Variants in PFDN1 observed in about 807,000 individuals in gnomAD.
PFDN1 encodes the protein prefoldin subunit 1.
Under a neutral mutation model 17.3 loss-of-function variants are expected in PFDN1, and 6 were observed. The observed-to-expected ratio is 0.35, with a 90% CI of 0.19 to 0.69. PFDN1 has a LOEUF of 0.69. PFDN1 is among the 30% of genes least tolerant of loss of function. The probability of loss-of-function intolerance (pLI) is 0.65; values close to 1 mark genes in which losing one functional copy is unlikely to be tolerated. For synonymous variants in PFDN1, 58 were observed against 50.1 expected (o/e 1.16, Z -0.67); for missense variants, 113 against 146.2 (o/e 0.77, Z 1.17).
At chr5:140,275,766 G>A (rs1236519539) in intron 3 of PFDN1, among the ~76,000 whole-genome samples, 1 of 151,570 alleles carries the variant, frequency 6.6e-6, no homozygotes, top group Non-Finnish European at 1.5e-5. Flanking sequence ...CCTATGTCAT[G>A]GAAAAGGTTT....
At chr5:140,270,729 T>A (rs1246776684) in intron 3 of PFDN1, among the ~76,000 whole-genome samples, 1 of 152,028 alleles carries the variant, frequency 6.6e-6, no homozygotes, top group Non-Finnish European at 1.5e-5. Flanking sequence ...ATCAAGACCA[T>A]CCTGGCTAAC....
intron 3 of PFDN1, among the ~76,000 whole-genome samples, chr5:140,266,527 T>C (rs1765136083): frequency 6.6e-6 from 1 of 152,138 alleles, no homozygotes; most frequent in African/African-American, 2.4e-5. Flanking sequence ...AAACAATCCT[T>C]TTTTACCTGT....
chr5:140,277,185 C>A (rs1765309147), intron 3 of PFDN1, among the ~76,000 whole-genome samples: 3 of 150,208 alleles, frequency 2.0e-5, no homozygotes, highest in African/African-American at 7.4e-5. Context: ...AAGATCATGC[C>A]ATTGCACTAC....
intron 2 of PFDN1, among the ~76,000 whole-genome samples, chr5:140,286,411 CAAAAA>C (rs70988742): frequency 2.4e-5 from 2 of 83,506 alleles, no homozygotes; most frequent in Non-Finnish European, 2.3e-5. Context: ...GACTCTGTCT[CAAAAA>C]AAAAAAAAAA....
At chr5:140,275,824 T>C (rs543838720) in intron 3 of PFDN1, among the ~76,000 whole-genome samples, 1 of 152,228 alleles carries the variant, frequency 6.6e-6, no homozygotes, top group East Asian at 1.9e-4. Flanking sequence ...TGGGGAAGCA[T>C]ACTCGGTGGG....
rs548796192 is a variant in PFDN1, at chr5:140,289,329, G to C, written c.201-7796C>G. 6.6e-5 allele frequency among the ~76,000 whole-genome samples: 10 copies of C among 151,442 alleles called. No individual in the cohort carries two copies. In the South Asian group the frequency reaches 2.1e-3, roughly 32 times the overall value. On this transcript the variant is annotated intron_variant, in intron 2 of 3. Coordinates refer to ENST00000261813, the MANE Select transcript of PFDN1 (RefSeq NM_002622.5). The stretch of plus-strand genomic sequence containing the variant: ...CCCAATGGTCAAAGCAGAATTATTT[G>C]AGCAACAAAATAAATAATGTAGTAC...
intron 3 of PFDN1, among the ~76,000 whole-genome samples, chr5:140,279,492 T>C (rs1021852925): frequency 1.3e-5 from 2 of 151,786 alleles, no homozygotes; most frequent in African/African-American, 4.8e-5. Context: ...CCTTGATAAT[T>C]GGGGTTTTTG....
chr5:140,281,381 T>C (rs527940505), intron 3 of PFDN1, 68 bp downstream of exon 3: 4 of 715,042 alleles, frequency 5.6e-6, no homozygotes, highest in Non-Finnish European at 1.0e-5. Context: ...TACATTTTCA[T>C]TTAATATGAC....
intron 2 of PFDN1, among the ~76,000 whole-genome samples, chr5:140,299,784 T>C (rs1270006051): frequency 1.3e-5 from 2 of 151,528 alleles, no homozygotes; most frequent in Non-Finnish European, 1.5e-5. Flanking sequence ...GAGGCTGAGG[T>C]GGGCGGATCA....
chr5:140,260,305 A>C (rs889866703), intron 3 of PFDN1, among the ~76,000 whole-genome samples: 4 of 152,232 alleles, frequency 2.6e-5, no homozygotes, highest in African/African-American at 9.7e-5. Flanking sequence ...GCTGCTACAG[A>C]AAAGTTTGGC....
At chr5:140,288,988 AAAT>A (rs1172510135) in intron 2 of PFDN1, among the ~76,000 whole-genome samples, 3 of 152,024 alleles carry the variant, frequency 2.0e-5, no homozygotes, top group African/African-American at 4.8e-5. Context: ...CTGTCTCAAA[AAAT>A]AATAATAATA....
At chr5:140,279,785 C>T (rs973432806) in intron 3 of PFDN1, among the ~76,000 whole-genome samples, 8 of 151,630 alleles carry the variant, frequency 5.3e-5, no homozygotes, top group African/African-American at 1.5e-4. Context: ...CATCTGAGGT[C>T]GGGAGTTCGA....
At chr5:140,275,408 CAAAA>C (rs34009092) in intron 3 of PFDN1, among the ~76,000 whole-genome samples, 1 of 106,734 alleles carries the variant, frequency 9.4e-6, no homozygotes, top group Non-Finnish European at 2.0e-5. Flanking sequence ...GACTCTGTCT[CAAAA>C]AAAAAAAAAA....
At chr5:140,287,178 G>A (rs1159997476) in intron 2 of PFDN1, among the ~76,000 whole-genome samples, 1 of 152,210 alleles carries the variant, frequency 6.6e-6, no homozygotes, top group African/African-American at 2.4e-5. Flanking sequence ...ATATGTGTAT[G>A]GGGATAAATA....
chr5:140,297,660 C>A (rs1205171051), intron 2 of PFDN1, among the ~76,000 whole-genome samples: 1 of 152,150 alleles, frequency 6.6e-6, no homozygotes, highest in Non-Finnish European at 1.5e-5. Context: ...GGAAATAATA[C>A]CATTCTACTA....
rs1764822743 is a variant in PFDN1 at position 140,245,939 on chromosome 5, G to A, written c.*35C>T. ...ACTCCTCTGCCCCCACCAGGAATGG[G>A]AGGGGCAGGAGGAAGAGCTTCCCAG... On this transcript the variant is annotated 3_prime_UTR_variant, in exon 4 of 4. Coordinates refer to ENST00000261813, the MANE Select transcript of PFDN1 (RefSeq NM_002622.5). 8.2e-7 allele frequency: 1 copy of A among 1,217,770 alleles called. No individual in the cohort carries two copies. The highest frequency in any genetic ancestry group is 1.5e-5 in the African/African-American group (1 of 66,658). The allele number at this position is 1,217,770 out of a possible 1,614,324, so 75.4% of individuals were successfully genotyped here. A position where few individuals can be genotyped will look rare whatever the true frequency, so the allele number is the denominator to read the frequency against.
At chr5:140,287,457 T>A (rs1338399150) in intron 2 of PFDN1, among the ~76,000 whole-genome samples, 1 of 152,194 alleles carries the variant, frequency 6.6e-6, no homozygotes, top group Non-Finnish European at 1.5e-5. Flanking sequence ...AACACCTCAG[T>A]AGTAACAAAT....
chr5:140,272,548 CG>C (rs1765223609), intron 3 of PFDN1, among the ~76,000 whole-genome samples: 1 of 151,150 alleles, frequency 6.6e-6, no homozygotes, highest in African/African-American at 2.4e-5. Context: ...TTAGTAGAGA[CG>C]GGGTTTCACC....
intron 2 of PFDN1, chr5:140,281,874 T>TA (rs1399968319): frequency 0.011 from 1,719 of 156,208 alleles, no homozygotes; most frequent in South Asian, 0.034. Context: ...CCTGTCTCAT[T>TA]AAAAAAAAAA....
Sources: gnomAD v4.1 joint callset for allele counts (sites outside exome capture counted in the v4.1 genomes callset) on GRCh38, gnomAD v4.1.1 for gene constraint, MANE v1.5 for transcripts, NCBI Gene and HGNC (gene_info 2026-07-23, HGNC 2026-07-21) for gene names.